L3MBTL4: variants seen among roughly 807,000 people sequenced by gnomAD.
The protein encoded by L3MBTL4 is lethal(3)malignant brain tumor-like protein 4.
In L3MBTL4, 70 loss-of-function variants were observed where a neutral mutation model predicts 84.5. The observed-to-expected ratio is 0.83, with a 90% confidence interval of 0.68 to 1.01. The LOEUF (loss-of-function observed/expected upper bound fraction) is 1.01, where lower values mean the gene tolerates loss of function less well. Ranked by LOEUF, L3MBTL4 falls within the 50% of genes least tolerant of loss-of-function variation. The pLI is 0.00. For missense variants in L3MBTL4, 715 were observed against 754.8 expected (o/e 0.95, Z 0.62); for synonymous variants, 274 against 259.8 (o/e 1.05, Z -0.52).
chr18:6,345,220 A>G (rs1251985976), intron 1 of L3MBTL4, among the ~76,000 whole-genome samples: 1 of 133,060 alleles, frequency 7.5e-6, no homozygotes, highest in African/African-American at 3.4e-5. Flanking sequence ...AAATACAAAA[A>G]AAAAAAAAAA....
chr18:6,121,172 T>C (rs988291864), intron 14 of L3MBTL4, among the ~76,000 whole-genome samples: 2 of 152,376 alleles, frequency 1.3e-5, no homozygotes, highest in African/African-American at 4.8e-5. Context: ...CTGTATCTAT[T>C]TTAGTAAGCA....
chr18:6,301,603 A>G (rs1033788617), intron 4 of L3MBTL4, among the ~76,000 whole-genome samples: 3 of 152,234 alleles, frequency 2.0e-5, no homozygotes, highest in African/African-American at 7.2e-5. Flanking sequence ...AAAACTAAAT[A>G]GCATCTCTTT....
chr18:6,001,549 A>G (rs2054214203), intron 16 of L3MBTL4, among the ~76,000 whole-genome samples: 1 of 152,182 alleles, frequency 6.6e-6, no homozygotes, highest in Non-Finnish European at 1.5e-5. Flanking sequence ...CTATATTATG[A>G]GATTCAAATG....
chr18:6,148,054 A>G (rs1043994682), intron 13 of L3MBTL4, among the ~76,000 whole-genome samples: 2 of 152,196 alleles, frequency 1.3e-5, no homozygotes, highest in Non-Finnish European at 2.9e-5. Flanking sequence ...CTCCAGTCGA[A>G]GCATCTGAGA....
chr18:6,103,992 G>A (rs186746307), intron 14 of L3MBTL4, among the ~76,000 whole-genome samples: 4 of 152,304 alleles, frequency 2.6e-5, no homozygotes, highest in African/African-American at 9.6e-5. Flanking sequence ...GCCATGCTCT[G>A]CGGAGTCCTG....
At position 6,182,859 on chromosome 18, in the gene L3MBTL4, AC is replaced by A. The variant is rs1370508464; in HGVS notation, c.982-10918del. 2.0e-5 allele frequency among the ~76,000 whole-genome samples: 3 copies of A among 152,152 alleles called. No homozygotes were observed. In the East Asian group the frequency reaches 5.8e-4, roughly 29 times the overall value. On this transcript the variant is annotated intron_variant, in intron 12 of 18. Coordinates refer to ENST00000317931, the MANE Select transcript of L3MBTL4 (RefSeq NM_001330559.2). ...GGTTATCAACTGACTTTGCCATTAA[AC>A]CCACAGTTCTATCTAATGCCACTGA...
intron 1 of L3MBTL4, among the ~76,000 whole-genome samples, chr18:6,340,437 AG>A (rs1236158320): frequency 1.3e-5 from 2 of 152,310 alleles, no homozygotes; most frequent in Admixed American, 1.3e-4. Flanking sequence ...TTTCTCCCAC[AG>A]GGGGAACTAA....
intron 1 of L3MBTL4, among the ~76,000 whole-genome samples, chr18:6,312,283 AT>A (rs1212327907): frequency 6.6e-6 from 1 of 152,188 alleles, no homozygotes; most frequent in Non-Finnish European, 1.5e-5. Flanking sequence ...TTGAAATATA[AT>A]TTTTTAAAAC....
intron 1 of L3MBTL4, among the ~76,000 whole-genome samples, chr18:6,324,032 C>T (rs1483322066): frequency 2.0e-5 from 3 of 151,980 alleles, no homozygotes; most frequent in African/African-American, 7.2e-5. Context: ...ATCCCAGCCA[C>T]TCCAGCTCCA....
chr18:6,334,882 T>G (rs1329434139), intron 1 of L3MBTL4, among the ~76,000 whole-genome samples: 1 of 152,188 alleles, frequency 6.6e-6, no homozygotes, highest in African/African-American at 2.4e-5. Flanking sequence ...GTGTCTGGAT[T>G]TAAATAAGAT....
intron 1 of L3MBTL4, among the ~76,000 whole-genome samples, chr18:6,340,985 G>A (rs1182097060): frequency 6.6e-6 from 1 of 152,028 alleles, no homozygotes. Context: ...ATTGAAAAAA[G>A]GCACACAATC....
intron 1 of L3MBTL4, among the ~76,000 whole-genome samples, chr18:6,372,158 C>A (rs1007777824): frequency 1.6e-4 from 25 of 152,318 alleles, no homozygotes; most frequent in African/African-American, 5.1e-4. Context: ...CCTCTCTCAG[C>A]CCCTGGGAAA....
At chr18:6,011,498 T>C (rs2054736510) in intron 16 of L3MBTL4, among the ~76,000 whole-genome samples, 1 of 152,210 alleles carries the variant, frequency 6.6e-6, no homozygotes, top group Non-Finnish European at 1.5e-5. Flanking sequence ...AATCGAGTAG[T>C]ATTCTGACTG....
chr18:6,062,979 A>ACTCCCCTCTCAACCTTC (rs2057280495), intron 16 of L3MBTL4, among the ~76,000 whole-genome samples: 1 of 150,780 alleles, frequency 6.6e-6, no homozygotes, highest in African/African-American at 2.4e-5. Context: ...TTTATCCCTT[A>ACTCCCCTCTCAACCTTC]CTCCCCTCTC....
chr18:6,072,370 C>T (rs530888447), intron 16 of L3MBTL4, among the ~76,000 whole-genome samples: 17 of 151,928 alleles, frequency 1.1e-4, no homozygotes, highest in South Asian at 4.2e-4. Context: ...AATAAAATCC[C>T]CAAATATCTG....
At chr18:6,087,884 T>C (rs1189811749) in intron 15 of L3MBTL4, among the ~76,000 whole-genome samples, 1 of 152,214 alleles carries the variant, frequency 6.6e-6, no homozygotes, top group Non-Finnish European at 1.5e-5. Flanking sequence ...TATATTCCTA[T>C]ACTCTAAATC....
At chr18:6,300,908 C>T (rs980222881) in intron 4 of L3MBTL4, among the ~76,000 whole-genome samples, 2 of 152,180 alleles carry the variant, frequency 1.3e-5, no homozygotes, top group South Asian at 4.1e-4. Flanking sequence ...ATATAATTAT[C>T]AAACTACTGC....
chr18:6,148,899 T>C (rs1004798747), intron 13 of L3MBTL4, among the ~76,000 whole-genome samples: 4 of 152,314 alleles, frequency 2.6e-5, no homozygotes, highest in African/African-American at 7.2e-5. Context: ...ATGTGAATAC[T>C]ATTTCACTAG....
chr18:6,286,411 C>T (rs1477156505), intron 4 of L3MBTL4, among the ~76,000 whole-genome samples: 2 of 151,620 alleles, frequency 1.3e-5, no homozygotes, highest in African/African-American at 4.8e-5. Context: ...TTGCAGTGAG[C>T]CGAGATCACG....
Sources: gnomAD v4.1 joint callset for allele counts (sites outside exome capture counted in the v4.1 genomes callset) on GRCh38, gnomAD v4.1.1 for gene constraint, MANE v1.5 for transcripts, NCBI Gene and HGNC (gene_info 2026-07-23, HGNC 2026-07-21) for gene names.